The following PAPPA2 variants were observed in gnomAD, a reference collection of about 807,000 sequenced individuals.
The protein encoded by PAPPA2 is pappalysin-2.
PAPPA2 carries 86 observed loss-of-function variants against 176.4 expected under a neutral mutation model. The observed-to-expected ratio is 0.49, with a 90% CI of 0.41 to 0.58. The LOEUF is 0.58. Ranked by LOEUF, PAPPA2 falls within the 20% of genes least tolerant of loss-of-function variation. PAPPA2 has a pLI of 0.00. For missense variants in PAPPA2, 2,073 were observed against 2,256.9 expected (o/e 0.92, Z 1.65); for synonymous variants, 809 against 852.2 (o/e 0.95, Z 0.88).
At chr1:176,577,200 A>C (rs1008354710) in intron 2 of PAPPA2, among the ~76,000 whole-genome samples, 1 of 151,812 alleles carries the variant, frequency 6.6e-6, no homozygotes, top group Non-Finnish European at 1.5e-5. Context: ...CACCTCTTCA[A>C]CTCCTTTAGA....
At chr1:176,644,767 A>C (rs1266167297) in intron 3 of PAPPA2, among the ~76,000 whole-genome samples, 1 of 151,804 alleles carries the variant, frequency 6.6e-6, no homozygotes, top group Non-Finnish European at 1.5e-5. Flanking sequence ...ATTGGGGTGG[A>C]TTTCAGGAAA....
intron 15 of PAPPA2, 23 bp downstream of exon 15, chr1:176,765,860 C>A (rs1241344794): frequency 6.2e-7 from 1 of 1,609,902 alleles, no homozygotes; most frequent in Admixed American, 1.7e-5. Flanking sequence ...AACACTATCA[C>A]CAGGACCAAG....
chr1:176,609,452 G>A (rs1457455367), intron 3 of PAPPA2, among the ~76,000 whole-genome samples: 1 of 152,154 alleles, frequency 6.6e-6, no homozygotes, highest in Admixed American at 6.5e-5. Context: ...AGGAAATTCA[G>A]CAGAATAAGG....
chr1:176,664,833 T>C (rs1658546274), intron 3 of PAPPA2, among the ~76,000 whole-genome samples: 1 of 152,198 alleles, frequency 6.6e-6, no homozygotes, highest in Non-Finnish European at 1.5e-5. Flanking sequence ...TTTTCCATAT[T>C]TGAATTTCAA....
At chr1:176,499,819 A>G (rs1471824779) in intron 1 of PAPPA2, among the ~76,000 whole-genome samples, 1 of 152,164 alleles carries the variant, frequency 6.6e-6, no homozygotes, top group Non-Finnish European at 1.5e-5. Context: ...GTGGATAACA[A>G]CCTTTTGGGG....
intron 1 of PAPPA2, among the ~76,000 whole-genome samples, chr1:176,482,159 TAA>T (rs1209972357): frequency 2.0e-5 from 3 of 152,176 alleles, no homozygotes; most frequent in Non-Finnish European, 4.4e-5. Context: ...TGCATAGAGG[TAA>T]AAGAGGACAG....
At chr1:176,794,109 G>T (rs915761951) in intron 20 of PAPPA2, among the ~76,000 whole-genome samples, 1 of 152,128 alleles carries the variant, frequency 6.6e-6, no homozygotes, top group Non-Finnish European at 1.5e-5. Flanking sequence ...TATTTGCCTT[G>T]CTCTGGGGGT....
chr1:176,820,123 C>T (rs569295255), intron 21 of PAPPA2, among the ~76,000 whole-genome samples: 34 of 152,184 alleles, frequency 2.2e-4, no homozygotes, highest in African/African-American at 8.2e-4. Context: ...GGATACTTAA[C>T]CAAACTAAAA....
intron 3 of PAPPA2, among the ~76,000 whole-genome samples, chr1:176,653,926 G>A (rs12144223): frequency 0.18 from 26,546 of 151,396 alleles, 2,481 homozygotes; most frequent in Middle Eastern, 0.23. Context: ...GGATTTCTTC[G>A]TACCTCTTCA....
At chr1:176,529,201 T>C (rs1649658777) in intron 1 of PAPPA2, among the ~76,000 whole-genome samples, 1 of 151,966 alleles carries the variant, frequency 6.6e-6, no homozygotes, top group Non-Finnish European at 1.5e-5. Context: ...TTTGGTGAAG[T>C]GCATTTGAGG....
Position 176,475,551 on chromosome 1 carries a change from C to T in PAPPA2, c.-917+12133C>T, listed in dbSNP as rs796572689. Reference sequence around the variant, plus strand: ...TGATACCTGGGAATAACTCTGGCTACAGATGTTTTTGTCCTTATGGAGTCC... The same window carrying T: ...TGATACCTGGGAATAACTCTGGCTATAGATGTTTTTGTCCTTATGGAGTCC... On this transcript the variant is annotated intron_variant, in intron 1 of 22. Transcript: ENST00000367662. 4.6e-5 allele frequency among the ~76,000 whole-genome samples: 7 copies of T among 152,268 alleles called. 1 individual carries two copies. The highest frequency in any genetic ancestry group is 1.7e-4 in the African/African-American group (7 of 41,546).
At chr1:176,619,796 C>T (rs1479175851) in intron 3 of PAPPA2, among the ~76,000 whole-genome samples, 1 of 152,130 alleles carries the variant, frequency 6.6e-6, no homozygotes, top group East Asian at 1.9e-4. Flanking sequence ...TCAAGTAACA[C>T]ATTCATGATA....
At chr1:176,785,732 C>T (rs918498380) in intron 17 of PAPPA2, among the ~76,000 whole-genome samples, 3 of 152,144 alleles carry the variant, frequency 2.0e-5, no homozygotes, top group Non-Finnish European at 2.9e-5. Context: ...TGGAAGGCTA[C>T]ATTCTTCTTC....
chr1:176,764,472 C>T (rs1015265621), intron 14 of PAPPA2, among the ~76,000 whole-genome samples: 3 of 152,164 alleles, frequency 2.0e-5, no homozygotes, highest in African/African-American at 7.2e-5. Flanking sequence ...CAATCCAAAT[C>T]GCACAGATGT....
At chr1:176,644,757 A>T (rs1200784888) in intron 3 of PAPPA2, among the ~76,000 whole-genome samples, 1 of 151,812 alleles carries the variant, frequency 6.6e-6, no homozygotes, top group Non-Finnish European at 1.5e-5. Context: ...AGACTCAAAG[A>T]TTGGGGTGGA....
chr1:176,771,262 C>A (rs1347898736), intron 17 of PAPPA2, 82 bp downstream of exon 17: 3 of 1,396,458 alleles, frequency 2.1e-6, no homozygotes, highest in South Asian at 1.2e-5. Context: ...TCTCTCTTTA[C>A]CTGCAGGGCT....
chr1:176,818,808 C>G (rs968799658), intron 21 of PAPPA2, among the ~76,000 whole-genome samples: 1 of 152,190 alleles, frequency 6.6e-6, no homozygotes, highest in Non-Finnish European at 1.5e-5. Context: ...ATAAAAGCCA[C>G]AATCTTTGCA....
chr1:176,771,247 T>C, intron 17 of PAPPA2, 67 bp downstream of exon 17: 3 of 1,513,318 alleles, frequency 2.0e-6, no homozygotes, highest in Non-Finnish European at 2.7e-6. Flanking sequence ...TGTTTTTCTG[T>C]ATAATCTCTC....
intron 12 of PAPPA2, among the ~76,000 whole-genome samples, chr1:176,713,158 CT>C (rs879717582): frequency 3.7e-3 from 527 of 142,576 alleles, no homozygotes; most frequent in Middle Eastern, 7.4e-3. Context: ...AATTCAAGTT[CT>C]TTTTTTTTTT....
Sources: gnomAD v4.1 joint callset for allele counts (sites outside exome capture counted in the v4.1 genomes callset) on GRCh38, gnomAD v4.1.1 for gene constraint, MANE v1.5 for transcripts, NCBI Gene and HGNC (gene_info 2026-07-23, HGNC 2026-07-21) for gene names.